QTMAN: variants seen among roughly 807,000 people sequenced by gnomAD.
QTMAN encodes tRNA-queuosine alpha-mannosyltransferase.
the QTMAN span, among the ~76,000 whole-genome samples, chr2:144,116,537 C>T: frequency 6.6e-6 from 1 of 152,082 alleles, no homozygotes; most frequent in East Asian, 1.9e-4. Flanking sequence ...ATAGAACTCC[C>T]GTACACAATG....
the QTMAN span, among the ~76,000 whole-genome samples, chr2:144,101,071 T>C: frequency 3.9e-5 from 6 of 152,146 alleles, no homozygotes; most frequent in Admixed American, 2.6e-4. Context: ...GGTTTCACCA[T>C]GTTAGCCAGG....
the QTMAN span, among the ~76,000 whole-genome samples, chr2:144,294,213 T>C: frequency 1.7e-4 from 26 of 152,340 alleles, no homozygotes; most frequent in African/African-American, 5.8e-4. Flanking sequence ...ATTATTTTAG[T>C]TGATTTCCTA....
the QTMAN span, among the ~76,000 whole-genome samples, chr2:144,288,203 A>G: frequency 6.6e-6 from 1 of 152,106 alleles, no homozygotes; most frequent in African/African-American, 2.4e-5. Flanking sequence ...TTTGATGAAA[A>G]TAATATTCTT....
the QTMAN span, among the ~76,000 whole-genome samples, chr2:144,258,488 T>A: frequency 6.6e-6 from 1 of 152,208 alleles, no homozygotes; most frequent in African/African-American, 2.4e-5. Flanking sequence ...TATATTACCA[T>A]CAGTCACCAT....
chr2:144,186,388 C>T, the QTMAN span, among the ~76,000 whole-genome samples: 4 of 152,200 alleles, frequency 2.6e-5, no homozygotes, highest in Non-Finnish European at 5.9e-5. Context: ...GAAGTCCCTC[C>T]CTGTAAATTA....
the QTMAN span, among the ~76,000 whole-genome samples, chr2:144,133,404 TA>T: frequency 1.7e-5 from 1 of 58,098 alleles, no homozygotes; most frequent in East Asian, 5.5e-4. Context: ...TATATAAATA[TA>T]ATATATTATA....
the QTMAN span, among the ~76,000 whole-genome samples, chr2:144,210,059 C>CGGG: frequency 3.3e-5 from 1 of 29,994 alleles, no homozygotes; most frequent in Non-Finnish European, 7.3e-5. Context: ...ATTATGTGGG[C>CGGG]GGGGGGGGGC....
chr2:144,202,507 TCA>T, the QTMAN span, among the ~76,000 whole-genome samples: 1 of 152,196 alleles, frequency 6.6e-6, no homozygotes, highest in Non-Finnish European at 1.5e-5. Context: ...ACTAATAGTC[TCA>T]ATCATTATGT....
At chr2:143,997,016 C>T in the QTMAN span, among the ~76,000 whole-genome samples, 1 of 152,022 alleles carries the variant, frequency 6.6e-6, no homozygotes, top group South Asian at 2.1e-4. Context: ...TTGGTAAGAG[C>T]ACCTTTTTGC....
the QTMAN span, among the ~76,000 whole-genome samples, chr2:144,105,600 T>TCCAAGAA: frequency 5.9e-5 from 9 of 152,048 alleles, no homozygotes; most frequent in African/African-American, 2.2e-4. Flanking sequence ...AATATAAGAC[T>TCCAAGAA]ATGTGAAAAG....
chr2:143,951,870 C>T, the QTMAN span: 2 of 610,834 alleles, frequency 3.3e-6, no homozygotes, highest in African/African-American at 3.7e-5. Flanking sequence ...AATATCCCTC[C>T]CTAGCATGTT....
At chr2:143,975,001 T>A in the QTMAN span, among the ~76,000 whole-genome samples, 1 of 152,108 alleles carries the variant, frequency 6.6e-6, no homozygotes, top group Non-Finnish European at 1.5e-5. Flanking sequence ...TAGGTAAGAA[T>A]GAAACAGTCT....
chr2:144,187,911 T>C, the QTMAN span, among the ~76,000 whole-genome samples: 1 of 152,212 alleles, frequency 6.6e-6, no homozygotes, highest in Non-Finnish European at 1.5e-5. Flanking sequence ...AATGATGTTT[T>C]TCCTTATAAA....
the QTMAN span, among the ~76,000 whole-genome samples, chr2:144,206,538 T>A: frequency 6.6e-6 from 1 of 152,210 alleles, no homozygotes; most frequent in African/African-American, 2.4e-5. Flanking sequence ...GTGAGGCATG[T>A]CTTTGGGTTA....
the QTMAN span, among the ~76,000 whole-genome samples, chr2:144,332,871 T>C: frequency 6.6e-6 from 1 of 152,230 alleles, no homozygotes; most frequent in African/African-American, 2.4e-5. Context: ...TAAGCTCGCA[T>C]AGTCACCTTC....
chr2:144,051,040 C>T, the QTMAN span, among the ~76,000 whole-genome samples: 1 of 152,068 alleles, frequency 6.6e-6, no homozygotes, highest in Admixed American at 6.6e-5. Context: ...TTGTTAGAAG[C>T]TGCCTAGTTG....
chr2:144,074,640 G>T, the QTMAN span, among the ~76,000 whole-genome samples: 2 of 152,154 alleles, frequency 1.3e-5, no homozygotes, highest in Admixed American at 6.5e-5. Context: ...CCAGCTCAAT[G>T]ATTTCATTTT....
chr2:144,274,866 A>C, the QTMAN span, among the ~76,000 whole-genome samples: 3 of 152,156 alleles, frequency 2.0e-5, no homozygotes, highest in African/African-American at 7.2e-5. Context: ...GATCACAACC[A>C]GGGACTTGCA....
the QTMAN span, among the ~76,000 whole-genome samples, chr2:143,986,579 A>G: frequency 2.0e-5 from 3 of 152,236 alleles, no homozygotes; most frequent in Non-Finnish European, 4.4e-5. Context: ...AGGTATAAGT[A>G]GTACCATCTT....
Sources: allele counts gnomAD v4.1 joint callset (sites outside exome capture counted in the v4.1 genomes callset), GRCh38; gene constraint gnomAD v4.1.1; transcripts MANE v1.5; gene names NCBI Gene and HGNC (gene_info 2026-07-23, HGNC 2026-07-21).